Variants in NRAP observed in about 807,000 individuals in gnomAD.
NRAP encodes nebulin-related-anchoring protein.
NRAP carries 189 observed loss-of-function variants against 225.9 expected under a neutral mutation model. That is an observed-to-expected ratio of 0.84 (90% CI 0.74 to 0.94). The LOEUF is 0.94. Ranked by LOEUF, NRAP falls within the 40% of genes least tolerant of loss-of-function variation. NRAP has a pLI of 0.00. For missense variants in NRAP, 2,176 were observed against 2,168.7 expected (o/e 1.00, Z -0.07); for synonymous variants, 769 against 790.7 (o/e 0.97, Z 0.46).
intron 38 of NRAP, 34 bp from the exon 39 acceptor site, chr10:113,592,335 G>A: frequency 1.4e-6 from 2 of 1,398,038 alleles, no homozygotes; most frequent in Non-Finnish European, 2.0e-6. Flanking sequence ...GAGTAAGCAG[G>A]CAGTCACTCC....
At chr10:113,631,672 T>C in intron 17 of NRAP, 62 bp from the exon 18 acceptor site, 1 of 1,137,636 alleles carries the variant, frequency 8.8e-7, no homozygotes, top group Non-Finnish European at 1.3e-6. Context: ...TAAGGGGCTC[T>C]GGTTTTAACA....
In NRAP at chr10:113,623,751, C is replaced by A. The variant is rs1396141225; in HGVS notation, c.2350-115G>T. 30 of 687,308 alleles carry A rather than the reference C, an allele frequency of 4.4e-5. No individual in the cohort carries two copies. In the East Asian group the frequency reaches 7.5e-4, roughly 17 times the overall value. The allele number at this position is 687,308 out of a possible 1,614,324, so 42.6% of individuals were successfully genotyped here. On this transcript the variant is annotated intron_variant, in intron 22 of 41. Coordinates refer to ENST00000359988, the MANE Select transcript of NRAP (RefSeq NM_198060.4). ...AGGAAAGCAATACTGATTATTACGT[C>A]CTTCTCTGAGAGCCACAGAAATCAT... is the stretch of plus-strand genomic sequence containing the variant.
chr10:113,650,385 A>G lies in NRAP; in HGVS notation c.783+53T>C, dbSNP rs1026573775. The G allele has an allele frequency of 3.8e-6, 5 of 1,312,750 alleles. No homozygotes were observed. The African/African-American group carries it at 7.2e-5, about 19-fold the overall frequency. 81.3% of individuals were successfully genotyped at this position (1,312,750 alleles called of 1,614,324 possible). A position where few individuals can be genotyped will look rare whatever the true frequency, so the allele number is the denominator to read the frequency against. ...ACAGGAAGTTGGACTCCTCAGACCC[A>G]GGTTCACATTCCTCTTTCTCCCTAA... On this transcript the variant is annotated intron_variant, in intron 8 of 41. Transcript: ENST00000359988.
At chr10:113,597,452 GC>G (rs1564697660) in intron 36 of NRAP, among the ~76,000 whole-genome samples, 4 of 152,150 alleles carry the variant, frequency 2.6e-5, no homozygotes, top group Non-Finnish European at 5.9e-5. Flanking sequence ...TCAGTAAAGG[GC>G]AGTATTCAGC....
chr10:113,599,204 C>G (rs966113970), intron 35 of NRAP, among the ~76,000 whole-genome samples: 10 of 152,222 alleles, frequency 6.6e-5, no homozygotes, highest in Admixed American at 6.5e-4. Context: ...GGATTCACAG[C>G]GTTCCTCACA....
At chr10:113,647,267 A>C (rs1003439624) in intron 9 of NRAP, among the ~76,000 whole-genome samples, 9 of 152,130 alleles carry the variant, frequency 5.9e-5, no homozygotes, top group African/African-American at 2.4e-5. Context: ...CATGATCATC[A>C]TCCTTATTTC....
chr10:113,623,497 C>A (rs556575242), intron 23 of NRAP, 32 bp downstream of exon 23: 1 of 1,407,816 alleles, frequency 7.1e-7, no homozygotes, highest in South Asian at 1.2e-5. Context: ...CAGGATTCTG[C>A]GGTCTCTTGT....
chr10:113,631,688 A>G (rs1592811572), intron 17 of NRAP, 78 bp from the exon 18 acceptor site: 3 of 1,006,478 alleles, frequency 3.0e-6, no homozygotes, highest in Middle Eastern at 2.1e-4. Context: ...TAACAAGTGC[A>G]AGGGGAACAA....
chr10:113,627,097 A>G (rs1420351102), intron 20 of NRAP, among the ~76,000 whole-genome samples: 1 of 152,234 alleles, frequency 6.6e-6, no homozygotes, highest in Non-Finnish European at 1.5e-5. Flanking sequence ...AACCCAACAC[A>G]GTGATTGGAA....
chr10:113,592,140 G>A, intron 39 of NRAP, 54 bp downstream of exon 39: 2 of 1,177,134 alleles, frequency 1.7e-6, no homozygotes, highest in East Asian at 2.5e-5. Flanking sequence ...ACAGAACTGG[G>A]AAAACCAGAG....
At chr10:113,623,457 C>T (rs1564727801) in intron 23 of NRAP, 72 bp downstream of exon 23, 1 of 917,992 alleles carries the variant, frequency 1.1e-6, no homozygotes, top group Non-Finnish European at 1.7e-6. Flanking sequence ...CCTGCCCAGA[C>T]ACTCAGAGAA....
At chr10:113,589,515 C>T (rs2133802944) in intron 41 of NRAP, 151 bp downstream of exon 41, 1 of 849,478 alleles carries the variant, frequency 1.2e-6, no homozygotes, top group Middle Eastern at 3.7e-4. Context: ...CATCTCAGAC[C>T]CATGAAATTA....
intron 30 of NRAP, 27 bp downstream of exon 30, chr10:113,612,207 C>T (rs1847372235): frequency 6.2e-7 from 1 of 1,601,440 alleles, no homozygotes; most frequent in Non-Finnish European, 8.6e-7. Flanking sequence ...AAGAAGGGGC[C>T]CTGAGAAAGA....
intron 1 of NRAP, 141 bp downstream of exon 1, chr10:113,663,670 G>C: frequency 1.4e-6 from 1 of 691,816 alleles, no homozygotes; most frequent in Non-Finnish European, 2.5e-6. Flanking sequence ...ACTAAATAAA[G>C]GTGAGAAAAT....
At chr10:113,606,432 G>A (rs1846972948) in intron 32 of NRAP, 150 bp from the exon 33 acceptor site, 3 of 596,172 alleles carry the variant, frequency 5.0e-6, no homozygotes, top group Non-Finnish European at 5.9e-6. Context: ...TGGGGAAGAT[G>A]TTTATTTCAA....
chr10:113,653,566 G>T (rs7913211), intron 5 of NRAP, among the ~76,000 whole-genome samples: 1 of 152,018 alleles, frequency 6.6e-6, no homozygotes, highest in South Asian at 2.1e-4. Flanking sequence ...TCTTCAAAGG[G>T]TAAGTGTACC....
chr10:113,605,213 G>A (rs1157994786), intron 34 of NRAP, among the ~76,000 whole-genome samples: 7 of 152,182 alleles, frequency 4.6e-5, no homozygotes, highest in African/African-American at 9.7e-5. Context: ...TGCTTTATCC[G>A]TTCGCACTTG....
At chr10:113,646,849 GT>G (rs2134130208) in intron 10 of NRAP, 73 bp downstream of exon 10, 3 of 990,978 alleles carry the variant, frequency 3.0e-6, no homozygotes, top group African/African-American at 1.6e-5. Flanking sequence ...CTGTGTGTAG[GT>G]TTCAGTAAGC....
intron 35 of NRAP, among the ~76,000 whole-genome samples, chr10:113,601,091 C>T (rs1415742800): frequency 6.6e-6 from 1 of 152,150 alleles, no homozygotes; most frequent in Non-Finnish European, 1.5e-5. Flanking sequence ...TTGAGAAGCA[C>T]GGAAGAGATG....
Sources: allele counts gnomAD v4.1 joint callset (sites outside exome capture counted in the v4.1 genomes callset), GRCh38; gene constraint gnomAD v4.1.1; transcripts MANE v1.5; gene names NCBI Gene and HGNC (gene_info 2026-07-23, HGNC 2026-07-21).